GDAP2: variants seen among roughly 807,000 people sequenced by gnomAD.
GDAP2 encodes the protein ganglioside induced differentiation associated protein 2.
In GDAP2, 51 loss-of-function variants were observed where a neutral mutation model predicts 67.0. That is an observed-to-expected ratio of 0.76 (90% CI 0.61 to 0.96). The LOEUF is 0.96. GDAP2 is among the 40% of genes least tolerant of loss of function. The probability of loss-of-function intolerance (pLI) is 0.00; values close to 1 mark genes in which losing one functional copy is unlikely to be tolerated. For synonymous variants in GDAP2, 203 were observed against 207.3 expected (o/e 0.98, Z 0.18); for missense variants, 547 against 588.3 (o/e 0.93, Z 0.73).
At chr1:117,880,199 A>AAG (rs145534721) in intron 12 of GDAP2, among the ~76,000 whole-genome samples, 5 of 151,464 alleles carry the variant, frequency 3.3e-5, no homozygotes, top group Non-Finnish European at 7.4e-5. Context: ...AAGAGATGAG[A>AAG]AGAGAGAGAG....
intron 3 of GDAP2, among the ~76,000 whole-genome samples, chr1:117,914,587 G>A (rs1649981377): frequency 1.3e-5 from 2 of 151,872 alleles, no homozygotes; most frequent in African/African-American, 4.8e-5. Context: ...TAGATTCAAA[G>A]AGCCCATAAA....
chr1:117,924,323 CTTCT>C (rs1191473405), intron 1 of GDAP2, among the ~76,000 whole-genome samples: 4 of 152,094 alleles, frequency 2.6e-5, no homozygotes, highest in African/African-American at 9.7e-5. Flanking sequence ...CTGTTGTTCC[CTTCT>C]TTGTGTCCAC....
Position 117,868,400 on chromosome 1 carries a change from G to T in GDAP2, c.*2169C>A, listed in dbSNP as rs1648148055. 6.6e-6 allele frequency: 1 copy of T among 152,080 alleles called. No individual in the cohort carries two copies. Among genetic ancestry groups the T allele is most frequent in the Admixed American group, 6.6e-5 (1 of 15,266 alleles). The allele number at this position is 152,080 out of a possible 1,614,324, so 9.4% of individuals were successfully genotyped here. A position where few individuals can be genotyped will look rare whatever the true frequency, so the allele number is the denominator to read the frequency against. On this transcript the variant is annotated 3_prime_UTR_variant, in exon 14 of 14. Transcript: ENST00000369443. ...ACCTTTATACCCTAGGACATCAATT[G>T]TACTAAAATCTCAGCATATGTAGAA...
At chr1:117,870,980 C>T (rs560738433) in intron 13 of GDAP2, among the ~76,000 whole-genome samples, 1 of 152,266 alleles carries the variant, frequency 6.6e-6, no homozygotes, top group Admixed American at 6.5e-5. Context: ...CATAATTTGC[C>T]TAAAGTTACC....
At chr1:117,879,608 T>C (rs1321112881) in intron 12 of GDAP2, among the ~76,000 whole-genome samples, 2 of 152,156 alleles carry the variant, frequency 1.3e-5, no homozygotes, top group Non-Finnish European at 2.9e-5. Flanking sequence ...CCCTAAAAGA[T>C]AGGTACTATT....
intron 3 of GDAP2, among the ~76,000 whole-genome samples, chr1:117,918,317 A>T (rs1414092832): frequency 2.0e-5 from 3 of 152,194 alleles, no homozygotes; most frequent in Non-Finnish European, 1.5e-5. Context: ...CAGCCAAGAA[A>T]ATGCTACCAA....
At position 117,913,221 on chromosome 1, in the gene GDAP2, ATTATTG is replaced by A. The variant is rs1649922393; in HGVS notation, c.317-544_317-539del. On this transcript the variant is annotated intron_variant, in intron 3 of 13. Coordinates refer to ENST00000369443, the MANE Select transcript of GDAP2 (RefSeq NM_017686.4). The stretch of plus-strand genomic sequence containing the variant: ...TGCAAAGTGCATACATGCATAAGAA[ATTATTG>A]TTATTATTACTAGAGAATGCTAAAA... Among the ~76,000 whole-genome samples the A allele has an allele frequency of 2.0e-5, 3 of 152,278 alleles. No homozygotes were observed. In the South Asian group the frequency reaches 6.2e-4, roughly 32 times the overall value.
At chr1:117,873,410 GTTTC>G (rs985858303) in intron 13 of GDAP2, among the ~76,000 whole-genome samples, 6 of 151,354 alleles carry the variant, frequency 4.0e-5, no homozygotes, top group African/African-American at 1.2e-4. Context: ...TGAAACTTGG[GTTTC>G]TTTTTTTTTT....
At chr1:117,877,397 CTT>C (rs766967744) in intron 13 of GDAP2, 3 of 829,476 alleles carry the variant, frequency 3.6e-6, no homozygotes, top group African/African-American at 1.9e-5. Flanking sequence ...AAGTGTGTTA[CTT>C]TTTTTTTTTC....
At chr1:117,870,697 C>A in intron 13 of GDAP2, 81 bp from the exon 14 acceptor site, 1 of 942,070 alleles carries the variant, frequency 1.1e-6, no homozygotes, top group South Asian at 1.3e-5. Context: ...GATTTACAGT[C>A]ATTGAGGTAG....
At chr1:117,874,789 G>C (rs770743657) in intron 13 of GDAP2, among the ~76,000 whole-genome samples, 16 of 152,166 alleles carry the variant, frequency 1.1e-4, no homozygotes, top group Non-Finnish European at 1.0e-4. Flanking sequence ...ATGCTGATAA[G>C]GTCTCAGATG....
intron 8 of GDAP2, among the ~76,000 whole-genome samples, chr1:117,895,331 T>C (rs369619816): frequency 4.7e-4 from 71 of 152,216 alleles, no homozygotes; most frequent in African/African-American, 1.6e-3. Flanking sequence ...CTGCAGCAGT[T>C]TGAATGCTGA....
chr1:117,922,800 G>A (rs762946866), intron 1 of GDAP2, among the ~76,000 whole-genome samples: 1 of 152,238 alleles, frequency 6.6e-6, no homozygotes, highest in Non-Finnish European at 1.5e-5. Flanking sequence ...CGCTGTGCAC[G>A]CATTGTCAGG....
At chr1:117,900,200 C>T (rs979950671) in intron 6 of GDAP2, among the ~76,000 whole-genome samples, 1 of 152,134 alleles carries the variant, frequency 6.6e-6, no homozygotes, top group Non-Finnish European at 1.5e-5. Flanking sequence ...AGGCTGTTCT[C>T]AAACTCCTGG....
intron 8 of GDAP2, among the ~76,000 whole-genome samples, chr1:117,889,114 T>C (rs1045741175): frequency 1.3e-5 from 2 of 152,188 alleles, no homozygotes; most frequent in Non-Finnish European, 2.9e-5. Flanking sequence ...CCTATGTTTA[T>C]TGTAGTTCTC....
At chr1:117,878,257 TAAAA>T (rs1479555268) in intron 12 of GDAP2, 105 bp from the exon 13 acceptor site, 1 of 561,600 alleles carries the variant, frequency 1.8e-6, no homozygotes, top group East Asian at 3.0e-5. Flanking sequence ...TTCAAAGTCT[TAAAA>T]TAACTAGTGT....
In GDAP2 at chr1:117,929,604, G is replaced by C. The variant is rs1201335223; in HGVS notation, c.-224C>G. 1.3e-5 allele frequency: 2 copies of C among 152,324 alleles called. No homozygotes were observed. Among genetic ancestry groups the C allele is most frequent in the Non-Finnish European group, 2.9e-5 (2 of 68,122 alleles). The allele number at this position is 152,324 out of a possible 1,614,324, so 9.4% of individuals were successfully genotyped here. ...GGAGTGACCAGCTGCAAATGCTCTG[G>C]GCTGCGAAACACCGGCTTCCGCTCC... On this transcript the variant is annotated 5_prime_UTR_variant, in exon 1 of 14. Coordinates refer to ENST00000369443, the MANE Select transcript of GDAP2 (RefSeq NM_017686.4).
chr1:117,891,407 G>C (rs1441694707), intron 8 of GDAP2, among the ~76,000 whole-genome samples: 2 of 151,918 alleles, frequency 1.3e-5, no homozygotes, highest in Admixed American at 6.6e-5. Context: ...AAGCATATGA[G>C]ACTGTGAATC....
intron 1 of GDAP2, among the ~76,000 whole-genome samples, chr1:117,920,737 G>GAAAAAAAAA (rs34582428): frequency 8.3e-6 from 1 of 120,294 alleles, no homozygotes. Context: ...GCCTACTATT[G>GAAAAAAAAA]AAAAAAAAAA....
Sources: allele counts gnomAD v4.1 joint callset (sites outside exome capture counted in the v4.1 genomes callset), GRCh38; gene constraint gnomAD v4.1.1; transcripts MANE v1.5; gene names NCBI Gene and HGNC (gene_info 2026-07-23, HGNC 2026-07-21).